Variants in UNC5D observed in about 807,000 individuals in gnomAD.
UNC5D encodes the protein unc-5 netrin receptor D.
In UNC5D, 39 loss-of-function variants were observed where a neutral mutation model predicts 105.4. The ratio of observed to expected loss-of-function variants is 0.37; its 90% CI spans 0.29 to 0.48. The LOEUF is 0.48. Ranked by LOEUF, UNC5D falls within the 20% of genes least tolerant of loss-of-function variation. The pLI is 0.98. For missense variants in UNC5D, 991 were observed against 1,202.4 expected, an observed-to-expected ratio of 0.82 and a Z score of 2.60; for synonymous variants, 452 against 450.4, an observed-to-expected ratio of 1.00 and a Z score of -0.04.
intron 16 of UNC5D, among the ~76,000 whole-genome samples, chr8:35,782,783 G>A (rs574272853): frequency 8.0e-4 from 122 of 152,096 alleles, no homozygotes; most frequent in Non-Finnish European, 1.4e-3. Flanking sequence ...GATTACAAGC[G>A]TGAGCCACCG....
chr8:35,509,141 A>G (rs1266914898), intron 1 of UNC5D, among the ~76,000 whole-genome samples: 1 of 152,040 alleles, frequency 6.6e-6, no homozygotes, highest in African/African-American at 2.4e-5. Flanking sequence ...AGTATTTTCT[A>G]CTATGTCATA....
intron 7 of UNC5D, among the ~76,000 whole-genome samples, chr8:35,703,239 G>A (rs1827329450): frequency 6.6e-6 from 1 of 151,214 alleles, no homozygotes; most frequent in Non-Finnish European, 1.5e-5. Flanking sequence ...GGTTGAAATT[G>A]TGTCATTAGC....
chr8:35,725,674 T>C (rs529226755), intron 9 of UNC5D, among the ~76,000 whole-genome samples: 1 of 152,324 alleles, frequency 6.6e-6, no homozygotes, highest in South Asian at 2.1e-4. Context: ...CTGGAACCGA[T>C]GTAGCTTCTG....
At chr8:35,728,771 A>T (rs943945877) in intron 10 of UNC5D, among the ~76,000 whole-genome samples, 1 of 152,332 alleles carries the variant, frequency 6.6e-6, no homozygotes, top group South Asian at 2.1e-4. Context: ...ATTATTTATT[A>T]TTCCAAATAT....
chr8:35,306,294 A>T (rs565974171), intron 1 of UNC5D, among the ~76,000 whole-genome samples: 45 of 152,130 alleles, frequency 3.0e-4, no homozygotes, highest in Non-Finnish European at 6.3e-4. Context: ...TTTGCTTAAA[A>T]ATATCCACTG....
At chr8:35,290,736 G>T (rs1298968153) in intron 1 of UNC5D, among the ~76,000 whole-genome samples, 1 of 152,022 alleles carries the variant, frequency 6.6e-6, no homozygotes, top group Non-Finnish European at 1.5e-5. Context: ...ATCACCTGAG[G>T]TCAGGAGTTG....
At chr8:35,425,888 G>A (rs758081084) in intron 1 of UNC5D, among the ~76,000 whole-genome samples, 5 of 152,074 alleles carry the variant, frequency 3.3e-5, no homozygotes, top group East Asian at 1.9e-4. Context: ...GATCAGACTG[G>A]CGTTTAACCA....
chr8:35,432,281 A>C (rs1227710274), intron 1 of UNC5D, among the ~76,000 whole-genome samples: 3 of 152,178 alleles, frequency 2.0e-5, no homozygotes, highest in Admixed American at 2.0e-4. Context: ...TATTGTTGTT[A>C]TTATTACCCC....
chr8:35,787,897 T>C (rs566125861), intron 16 of UNC5D, among the ~76,000 whole-genome samples: 1 of 152,230 alleles, frequency 6.6e-6, no homozygotes, highest in Admixed American at 6.5e-5. Context: ...CCAAAACAAA[T>C]TTCTTAAATA....
chr8:35,527,551 C>CT (rs1193210993), intron 1 of UNC5D, among the ~76,000 whole-genome samples: 5 of 150,944 alleles, frequency 3.3e-5, no homozygotes, highest in East Asian at 1.9e-4. Flanking sequence ...CTCCTGTTTT[C>CT]TTTTTTTTTC....
chr8:35,556,066 G>C (rs1198073959), intron 2 of UNC5D, among the ~76,000 whole-genome samples: 1 of 152,002 alleles, frequency 6.6e-6, no homozygotes, highest in Non-Finnish European at 1.5e-5. Context: ...TGGTTCCTCC[G>C]TGTGTAAAAT....
At chr8:35,308,075 A>G (rs2128876552) in intron 1 of UNC5D, among the ~76,000 whole-genome samples, 1 of 151,670 alleles carries the variant, frequency 6.6e-6, no homozygotes, top group East Asian at 1.9e-4. Flanking sequence ...CTATATAACC[A>G]AAAGAGATTC....
In UNC5D at chr8:35,688,010, T is replaced by TATAC. The variant is rs555477037; in HGVS notation, c.1084+1302_1084+1303insTACA. On this transcript the variant is annotated intron_variant, in intron 7 of 16. Coordinates refer to ENST00000404895, the MANE Select transcript of UNC5D (RefSeq NM_080872.4). ...AGCTGGGCGTGGTGGCAGGCACCTG[T>TATAC]AGTCCCAGCTACTCGGGAGGTTGAA... 9.7e-4 allele frequency among the ~76,000 whole-genome samples: 148 copies of TATAC among 151,862 alleles called. 4 individuals are homozygous for TATAC. The South Asian group carries it at 0.029, about 30-fold the overall frequency.
intron 6 of UNC5D, among the ~76,000 whole-genome samples, chr8:35,685,332 A>C (rs775121483): frequency 1.3e-5 from 2 of 152,128 alleles, no homozygotes. Flanking sequence ...GGCTTTCATA[A>C]ATTCCTTTGT....
intron 8 of UNC5D, among the ~76,000 whole-genome samples, chr8:35,707,878 G>T (rs575182332): frequency 6.6e-6 from 1 of 152,164 alleles, no homozygotes; most frequent in South Asian, 2.1e-4. Context: ...TACTGCAACG[G>T]AATCGCTTAA....
chr8:35,393,862 T>C (rs1803933391), intron 1 of UNC5D, among the ~76,000 whole-genome samples: 1 of 152,162 alleles, frequency 6.6e-6, no homozygotes, highest in South Asian at 2.1e-4. Flanking sequence ...ATCTTAAAGA[T>C]CATTTTAGTT....
At chr8:35,584,477 T>C (rs1818657487) in intron 3 of UNC5D, among the ~76,000 whole-genome samples, 2 of 152,074 alleles carry the variant, frequency 1.3e-5, no homozygotes, top group African/African-American at 2.4e-5. Flanking sequence ...TGAAGTGGCA[T>C]GATTATAGCT....
intron 1 of UNC5D, among the ~76,000 whole-genome samples, chr8:35,355,215 T>G (rs1050920762): frequency 6.6e-6 from 1 of 151,704 alleles, no homozygotes; most frequent in South Asian, 2.1e-4. Context: ...AAACTCCCCC[T>G]TTTTTTTGAA....
intron 1 of UNC5D, among the ~76,000 whole-genome samples, chr8:35,353,118 A>G (rs1812358353): frequency 6.6e-6 from 1 of 152,222 alleles, no homozygotes; most frequent in Non-Finnish European, 1.5e-5. Flanking sequence ...CAAATTCAAA[A>G]GACCAACGGA....
Sources: allele counts gnomAD v4.1 joint callset (sites outside exome capture counted in the v4.1 genomes callset), GRCh38; gene constraint gnomAD v4.1.1; transcripts MANE v1.5; gene names NCBI Gene and HGNC (gene_info 2026-07-23, HGNC 2026-07-21).